The following SCAMP3 variants were observed in gnomAD, a reference collection of about 807,000 sequenced individuals.
SCAMP3 encodes secretory carrier membrane protein 3.
Under a neutral mutation model 44.1 loss-of-function variants are expected in SCAMP3, and 30 were observed. That is an observed-to-expected ratio of 0.68 (90% CI 0.51 to 0.92). SCAMP3 has a LOEUF of 0.92. SCAMP3 is among the 40% of genes least tolerant of loss of function. The pLI is 0.00. For synonymous variants in SCAMP3, 168 were observed against 171.1 expected (o/e 0.98, Z 0.14); for missense variants, 394 against 440.0 (o/e 0.90, Z 0.93).
intron 7 of SCAMP3, 128 bp from the exon 8 acceptor site, chr1:155,256,919 C>G: frequency 1.5e-6 from 1 of 685,406 alleles, no homozygotes; most frequent in South Asian, 1.7e-5. Flanking sequence ...GCATTCCAAG[C>G]ACCACAATCC....
chr1:155,257,709 T>G, intron 5 of SCAMP3, 52 bp from the exon 6 acceptor site: 1 of 1,494,026 alleles, frequency 6.7e-7, no homozygotes. Context: ...CAATGAAGGC[T>G]CCTTCCCATC....
chr1:155,257,191 A>C, intron 7 of SCAMP3, 94 bp downstream of exon 7: 1 of 832,832 alleles, frequency 1.2e-6, no homozygotes, highest in Non-Finnish European at 2.0e-6. Context: ...AAGGATTAAA[A>C]CCACATTTCC....
At chr1:155,261,532 A>T in intron 2 of SCAMP3, 125 bp downstream of exon 2, 1 of 872,820 alleles carries the variant, frequency 1.1e-6, no homozygotes, top group Non-Finnish European at 1.9e-6. Flanking sequence ...AGCCTCTCTC[A>T]GGGAACTAAG....
chr1:155,262,026 C>T, intron 1 of SCAMP3, 60 bp downstream of exon 1: 1 of 1,515,762 alleles, frequency 6.6e-7, no homozygotes. Flanking sequence ...TTAGCCCGAC[C>T]CTACAGAACC....
At chr1:155,261,924 G>T (rs1016631075) in intron 1 of SCAMP3, 162 bp downstream of exon 1, 2 of 818,248 alleles carry the variant, frequency 2.4e-6, no homozygotes, top group Non-Finnish European at 4.0e-6. Context: ...AAGGGGCAGG[G>T]CCCGCCCCCC....
At chr1:155,258,717 G>A (rs1439977040) in intron 5 of SCAMP3, 109 bp downstream of exon 5, 2 of 983,540 alleles carry the variant, frequency 2.0e-6, no homozygotes, top group Non-Finnish European at 3.0e-6. Context: ...TTTGCTAGCA[G>A]GCTGGTGAGT....
chr1:155,260,954 TTGTCTCTCTGCCACCCAG>T (rs1291910712), intron 2 of SCAMP3, among the ~76,000 whole-genome samples: 1 of 150,824 alleles, frequency 6.6e-6, no homozygotes, highest in African/African-American at 2.4e-5. Context: ...GAGTGTGGGG[TTGTCTCTCTGCCACCCAG>T]GCTGGAGTGC....
intron 2 of SCAMP3, 124 bp from the exon 3 acceptor site, chr1:155,260,783 G>C (rs1160630961): frequency 1.2e-6 from 1 of 838,520 alleles, no homozygotes; most frequent in African/African-American, 1.7e-5. Context: ...CATTTGTTAG[G>C]AAGCTAGTTC....
chr1:155,259,334 C>T (rs1218990236), intron 4 of SCAMP3, among the ~76,000 whole-genome samples: 2 of 151,974 alleles, frequency 1.3e-5, no homozygotes, highest in African/African-American at 2.4e-5. Context: ...GCCACCACGC[C>T]CAGCTAATTT....
At chr1:155,261,408 T>C (rs1672958180) in intron 2 of SCAMP3, 7 of 546,362 alleles carry the variant, frequency 1.3e-5, no homozygotes, top group Non-Finnish European at 2.3e-5. Context: ...ATACAGAACA[T>C]TGGTTAAGGC....
Position 155,256,228 on chromosome 1 carries a change from A to G in SCAMP3, c.*45T>C. 2 of 1,515,836 alleles carry G rather than the reference A, an allele frequency of 1.3e-6. No homozygotes were observed. The highest frequency in any genetic ancestry group is 1.8e-6 in the Non-Finnish European group (2 of 1,130,180). The allele number at this position is 1,515,836 out of a possible 1,614,324, so 93.9% of individuals were successfully genotyped here. Reference sequence around the variant, plus strand: ...CCAGAGACCTTAGGGACGGGAGCTAAGTCAGCTCCCTCAAGTAGCAGGGCC... The same window carrying G: ...CCAGAGACCTTAGGGACGGGAGCTAGGTCAGCTCCCTCAAGTAGCAGGGCC... On this transcript the variant is annotated 3_prime_UTR_variant, in exon 9 of 9. Transcript: ENST00000302631.
chr1:155,258,160 C>T (rs1285153630), intron 5 of SCAMP3, among the ~76,000 whole-genome samples: 3 of 151,666 alleles, frequency 2.0e-5, no homozygotes, highest in East Asian at 3.9e-4. Context: ...GCTGGGACTA[C>T]AGGCACCCGC....
chr1:155,257,756 G>A (rs1368420936), intron 5 of SCAMP3, 99 bp from the exon 6 acceptor site: 8 of 1,192,396 alleles, frequency 6.7e-6, no homozygotes, highest in Non-Finnish European at 8.3e-6. Flanking sequence ...ACATGGCAGA[G>A]TAAGGAAATG....
intron 2 of SCAMP3, chr1:155,261,224 CT>C (rs768766320): frequency 2.1e-3 from 365 of 172,078 alleles, no homozygotes; most frequent in South Asian, 7.9e-3. Flanking sequence ...CCATGCTTGG[CT>C]TTTTTTTTTA....
rs138062562 is a variant in SCAMP3 at position 155,261,219 on chromosome 1, C to T, written c.144+438G>A. On this transcript the variant is annotated intron_variant, in intron 2 of 8. Transcript: ENST00000302631. ...TGGGATTACAGGCATGCACACCATG[C>T]TTGGCTTTTTTTTTTAAGTTTTAAG... is the stretch of plus-strand genomic sequence containing the variant. 725 of 179,676 alleles carry T rather than the reference C, an allele frequency of 4.0e-3. 3 individuals carry two copies. The highest frequency in any genetic ancestry group is 0.016 in the African/African-American group (693 of 42,210). 11.1% of individuals were successfully genotyped at this position (179,676 alleles called of 1,614,324 possible).
At chr1:155,259,363 C>T (rs1185675149) in intron 4 of SCAMP3, among the ~76,000 whole-genome samples, 1 of 151,970 alleles carries the variant, frequency 6.6e-6, no homozygotes, top group African/African-American at 2.4e-5. Flanking sequence ...TTAGTAGAGA[C>T]AGGGTTTCAC....
chr1:155,258,962 GCA>G lies in SCAMP3; in HGVS notation c.389-10_389-9del. 6.2e-7 allele frequency: 1 copy of G among 1,601,322 alleles called. No individual in the cohort carries two copies. Among genetic ancestry groups the G allele is most frequent in the Admixed American group, 1.7e-5 (1 of 57,690 alleles). On this transcript the variant is annotated splice_polypyrimidine_tract_variant and intron_variant, in intron 4 of 8. Coordinates refer to ENST00000302631, the MANE Select transcript of SCAMP3 (RefSeq NM_005698.4). ...GCCAATTGTTCTGTCGAGCTGTAAG[GCA>G]CAAAAAAACAGGTGGACCCCAGAAG...
At position 155,262,085 on chromosome 1, in the gene SCAMP3, C is replaced by A; in HGVS notation, c.66+1G>T. The A allele has an allele frequency of 6.2e-7, 1 of 1,614,094 alleles. No individual in the cohort carries two copies. Among genetic ancestry groups the A allele is most frequent in the Non-Finnish European group, 8.5e-7 (1 of 1,179,936 alleles). On this transcript the variant is annotated splice_donor_variant, in intron 1 of 8. Coordinates refer to ENST00000302631, the MANE Select transcript of SCAMP3 (RefSeq NM_005698.4). LOFTEE classifies it high-confidence loss of function. ...AAAAGAGGCCGACTGGCGCAAGTCA[C>A]CTGAAAGGGGTTGTCAAGCTCGCTG...
rs767756297 is a variant in SCAMP3, at chr1:155,258,867, T to G, written c.476A>C (p.Glu159Ala). ...CATGGTGGATACAGTCTTCTGAAAT[T>G]CTTGGGGGATCTCCATGGAGATGTC... ...FQDISMEIPQ[E>A]FQKTVSTMYY... The change falls in exon 5 of 9, where the codon GAA (glutamate) becomes GCA (alanine). Residue 159 changes from glutamate (E) to alanine (A), a missense_variant. Coordinates refer to ENST00000302631, the MANE Select transcript of SCAMP3 (RefSeq NM_005698.4). 5 of 1,613,254 alleles carry G rather than the reference T, an allele frequency of 3.1e-6. No homozygotes were observed. In the South Asian group the frequency reaches 5.5e-5, roughly 18 times the overall value.
Sources: gnomAD v4.1 joint callset for allele counts (sites outside exome capture counted in the v4.1 genomes callset) on GRCh38, gnomAD v4.1.1 for gene constraint, MANE v1.5 for transcripts, NCBI Gene and HGNC (gene_info 2026-07-23, HGNC 2026-07-21) for gene names.